The following ANXA8 variants were observed in gnomAD, a reference collection of about 807,000 sequenced individuals.
ANXA8 encodes annexin A8.
A neutral mutation model predicts 26.8 loss-of-function variants in ANXA8; 9 were observed. The observed-to-expected ratio is 0.34, with a 90% confidence interval of 0.20 to 0.59. The LOEUF is 0.59. Ranked by LOEUF, ANXA8 falls within the 20% of genes least tolerant of loss-of-function variation. ANXA8 has a pLI of 0.84. For synonymous variants in ANXA8, 39 were observed against 94.8 expected (o/e 0.41, Z 3.42); for missense variants, 83 against 238.5 (o/e 0.35, Z 4.29).
At chr10:47,695,292 G>A in the ANXA8 span, among the ~76,000 whole-genome samples, 1 of 151,414 alleles carries the variant, frequency 6.6e-6, no homozygotes, top group Non-Finnish European at 1.5e-5. Flanking sequence ...TGGGTTGCAG[G>A]CGGGACAAGC....
At chr10:47,732,915 A>T in the ANXA8 span, among the ~76,000 whole-genome samples, 2 of 148,758 alleles carry the variant, frequency 1.3e-5, no homozygotes, top group Admixed American at 6.7e-5. Context: ...AAACAAAATT[A>T]TATCAGCGCC....
upstream of ANXA8, among the ~76,000 whole-genome samples, chr10:47,485,846 C>T (rs1474941868): frequency 9.9e-5 from 15 of 151,978 alleles, no homozygotes; most frequent in East Asian, 2.1e-3. Context: ...CGGTGGCTCA[C>T]GCCTGTAATC....
chr10:47,975,124 C>A, the ANXA8 span, among the ~76,000 whole-genome samples: 2 of 148,334 alleles, frequency 1.3e-5, no homozygotes, highest in African/African-American at 4.9e-5. Flanking sequence ...TACATTTGTT[C>A]CATAGTTCAG....
At chr10:47,568,652 C>G in the ANXA8 span, among the ~76,000 whole-genome samples, 4 of 24,938 alleles carry the variant, frequency 1.6e-4, 1 homozygote, top group East Asian at 2.0e-3. Context: ...TTAAGAAGTA[C>G]TGTGATCTGG....
At chr10:47,680,402 C>T in the ANXA8 span, among the ~76,000 whole-genome samples, 1,270 of 151,566 alleles carry the variant, frequency 8.4e-3, no homozygotes, top group Non-Finnish European at 0.013. Flanking sequence ...TGGGAGTCTG[C>T]GGTGGGTGGA....
At chr10:47,654,367 A>T in the ANXA8 span, among the ~76,000 whole-genome samples, 2 of 146,482 alleles carry the variant, frequency 1.4e-5, no homozygotes, top group Non-Finnish European at 2.9e-5. Context: ...ATCAATGAAT[A>T]GGTAATGTAA....
the ANXA8 span, among the ~76,000 whole-genome samples, chr10:47,979,545 T>C: frequency 6.6e-6 from 1 of 151,630 alleles, no homozygotes; most frequent in Admixed American, 6.6e-5. Flanking sequence ...CTGGATTGTT[T>C]GGGTGGGCCC....
At chr10:47,657,935 G>T in the ANXA8 span, among the ~76,000 whole-genome samples, 2 of 151,714 alleles carry the variant, frequency 1.3e-5, no homozygotes, top group African/African-American at 4.9e-5. Context: ...TCCTGTTCTT[G>T]TTTTAAAATT....
At chr10:47,703,460 C>T in the ANXA8 span, among the ~76,000 whole-genome samples, 47 of 150,118 alleles carry the variant, frequency 3.1e-4, 1 homozygote, top group East Asian at 7.0e-3. Context: ...CCCAGCTATT[C>T]GGGAGGCTGA....
the ANXA8 span, among the ~76,000 whole-genome samples, chr10:47,975,174 G>A: frequency 6.7e-6 from 1 of 149,150 alleles, no homozygotes; most frequent in African/African-American, 2.4e-5. Context: ...GGGATAGAAA[G>A]TATCTTTTGA....
At chr10:47,763,927 C>G in the ANXA8 span, among the ~76,000 whole-genome samples, 3 of 151,966 alleles carry the variant, frequency 2.0e-5, no homozygotes, top group African/African-American at 4.8e-5. Context: ...GTCCTAGGGG[C>G]CAGTCAGTGT....
chr10:47,564,975 G>C, the ANXA8 span: 1 of 1,162,540 alleles, frequency 8.6e-7, no homozygotes, highest in Middle Eastern at 2.8e-4. Flanking sequence ...AAGCTGTCCA[G>C]CTGCCAAGTC....
the ANXA8 span, among the ~76,000 whole-genome samples, chr10:47,694,412 T>C: frequency 6.9e-6 from 1 of 144,236 alleles, no homozygotes; most frequent in Non-Finnish European, 1.5e-5. Flanking sequence ...CAAACAGAAA[T>C]CTTCCTTTTT....
At chr10:47,746,859 G>C in the ANXA8 span, among the ~76,000 whole-genome samples, 12 of 101,836 alleles carry the variant, frequency 1.2e-4, no homozygotes, top group South Asian at 4.7e-3. Flanking sequence ...GGCTTCACCA[G>C]CTTTCCCAAG....
At chr10:47,620,111 A>G in the ANXA8 span, among the ~76,000 whole-genome samples, 5 of 111,660 alleles carry the variant, frequency 4.5e-5, 1 homozygote, top group East Asian at 1.1e-3. Flanking sequence ...CCTAATGGTC[A>G]TGTATGTAGG....
the ANXA8 span, among the ~76,000 whole-genome samples, chr10:47,951,147 T>C: frequency 1.6e-4 from 24 of 149,222 alleles, 1 homozygote; most frequent in Non-Finnish European, 2.7e-4. Flanking sequence ...AGAAATAATA[T>C]GGGGATATTA....
chr10:47,976,023 C>T, the ANXA8 span, among the ~76,000 whole-genome samples: 5 of 149,586 alleles, frequency 3.3e-5, no homozygotes, highest in Admixed American at 2.0e-4. Context: ...GCTGAGATGA[C>T]AGATCCTAAC....
the ANXA8 span, among the ~76,000 whole-genome samples, chr10:47,595,659 C>CA: frequency 5.5e-5 from 8 of 144,196 alleles, no homozygotes; most frequent in Non-Finnish European, 1.1e-4. Flanking sequence ...GAAACAAGGA[C>CA]AAAAAAATGT....
At chr10:47,513,762 A>G in the ANXA8 span, among the ~76,000 whole-genome samples, 1 of 138,358 alleles carries the variant, frequency 7.2e-6, no homozygotes, top group African/African-American at 2.6e-5. Flanking sequence ...TTTTCAACAA[A>G]GCCACCTAAA....
Sources: gnomAD v4.1 joint callset for allele counts (sites outside exome capture counted in the v4.1 genomes callset) on GRCh38, gnomAD v4.1.1 for gene constraint, MANE v1.5 for transcripts, NCBI Gene and HGNC (gene_info 2026-07-23, HGNC 2026-07-21) for gene names.